The following TRMT11 variants were observed in gnomAD, a reference collection of about 807,000 sequenced individuals.
TRMT11 encodes tRNA methyltransferase 11.
A neutral mutation model predicts 62.8 loss-of-function variants in TRMT11; 53 were observed. The ratio of observed to expected loss-of-function variants is 0.84; its 90% confidence interval spans 0.68 to 1.06. The LOEUF is 1.06. TRMT11 is among the 50% of genes least tolerant of loss of function. The pLI is 0.00. For synonymous variants in TRMT11, 188 were observed against 190.3 expected (o/e 0.99, Z 0.10); for missense variants, 556 against 553.4 (o/e 1.00, Z -0.05).
At chr6:126,098,229 C>T (rs1777361016) in intron 17 of TRMT11, among the ~76,000 whole-genome samples, 1 of 152,108 alleles carries the variant, frequency 6.6e-6, no homozygotes, top group African/African-American at 2.4e-5. Context: ...TTTGCTGCTG[C>T]GTTCATTTCC....
At chr6:126,076,112 G>C (rs984323470) in intron 17 of TRMT11, among the ~76,000 whole-genome samples, 1 of 152,118 alleles carries the variant, frequency 6.6e-6, no homozygotes, top group African/African-American at 2.4e-5. Flanking sequence ...GGTTGTGGGG[G>C]GTTGGGGGTG....
At chr6:126,045,480 G>A (rs893993244) in intron 16 of TRMT11, among the ~76,000 whole-genome samples, 2 of 152,176 alleles carry the variant, frequency 1.3e-5, no homozygotes, top group African/African-American at 2.4e-5. Context: ...CAAATTTCAT[G>A]ATCAACCTGA....
At chr6:126,237,967 C>T in the TRMT11 span, among the ~76,000 whole-genome samples, 1 of 152,076 alleles carries the variant, frequency 6.6e-6, no homozygotes, top group Non-Finnish European at 1.5e-5. Context: ...GGAATTTATC[C>T]ATTTCTTCTA....
chr6:126,016,783 G>A (rs921064602), intron 11 of TRMT11, among the ~76,000 whole-genome samples: 5 of 151,762 alleles, frequency 3.3e-5, no homozygotes, highest in African/African-American at 1.2e-4. Context: ...GAAGACAATG[G>A]TGGCATTTAT....
chr6:126,047,220 G>A (rs1176847436), intron 16 of TRMT11, among the ~76,000 whole-genome samples: 1 of 151,762 alleles, frequency 6.6e-6, no homozygotes, highest in Non-Finnish European at 1.5e-5. Flanking sequence ...GCCCTAATTG[G>A]GAACAGGCAT....
At chr6:126,253,497 T>A in the TRMT11 span, among the ~76,000 whole-genome samples, 1 of 152,222 alleles carries the variant, frequency 6.6e-6, no homozygotes, top group Admixed American at 6.5e-5. Flanking sequence ...GTATTATACT[T>A]AATTGTATCT....
At chr6:126,157,433 A>G (rs547173405) in intron 21 of TRMT11, among the ~76,000 whole-genome samples, 3 of 152,320 alleles carry the variant, frequency 2.0e-5, no homozygotes, top group African/African-American at 7.2e-5. Context: ...AAGCCTTTGC[A>G]TTCAGGGAAT....
rs547798135 is a variant in TRMT11, at chr6:125,988,537, G to A, written c.72+1915G>A. 1.9e-4 allele frequency among the ~76,000 whole-genome samples: 29 copies of A among 152,256 alleles called. No individual in the cohort carries two copies. The Middle Eastern group carries it at 0.024, about 125-fold the overall frequency. The stretch of plus-strand genomic sequence containing the variant: ...GGGGAGATTGGACAAGGAAAGTTAG[G>A]GTGGGTGTGGAGTAGTTGCCTGAGG... On this transcript the variant is annotated intron_variant, in intron 1 of 12. Coordinates refer to ENST00000334379, the MANE Select transcript of TRMT11 (RefSeq NM_001031712.3).
At chr6:125,986,689 A>G (rs1789685718) in intron 1 of TRMT11, 67 bp downstream of exon 1, 2 of 1,447,372 alleles carry the variant, frequency 1.4e-6, no homozygotes, top group Admixed American at 4.0e-5. Flanking sequence ...GAGTGGGTGG[A>G]GGTGATCTGC....
chr6:126,073,048 T>G (rs542884584), intron 17 of TRMT11, among the ~76,000 whole-genome samples: 1 of 152,346 alleles, frequency 6.6e-6, no homozygotes, highest in South Asian at 2.1e-4. Flanking sequence ...ATGCAATCTT[T>G]GGGATTCAGA....
the TRMT11 span, among the ~76,000 whole-genome samples, chr6:126,254,548 G>A: frequency 6.6e-6 from 1 of 152,224 alleles, no homozygotes; most frequent in African/African-American, 2.4e-5. Flanking sequence ...GGATTCTGCA[G>A]ATCATAGAAT....
At chr6:125,999,715 T>C in intron 7 of TRMT11, 102 bp downstream of exon 7, 5 of 1,075,194 alleles carry the variant, frequency 4.7e-6, no homozygotes, top group East Asian at 2.5e-5. Context: ...GATAATCTTT[T>C]AATTGTGTTT....
intron 17 of TRMT11, among the ~76,000 whole-genome samples, chr6:126,057,322 G>T (rs570186494): frequency 1.3e-4 from 20 of 152,306 alleles, no homozygotes; most frequent in African/African-American, 4.8e-4. Context: ...TATGTCTTAG[G>T]TTATCTTTGA....
chr6:126,003,963 C>G (rs569902308), intron 7 of TRMT11, among the ~76,000 whole-genome samples: 1 of 151,964 alleles, frequency 6.6e-6, no homozygotes, highest in African/African-American at 2.4e-5. Flanking sequence ...CTTTTTAGAT[C>G]TCTGGTTCAT....
At position 126,136,966 on chromosome 6, in the gene TRMT11, T is replaced by C. The variant is rs948179158; in HGVS notation, c.*1823+21111T>C. 3.3e-5 allele frequency among the ~76,000 whole-genome samples: 5 copies of C among 151,406 alleles called. No homozygotes were observed. In the South Asian group the frequency reaches 6.2e-4, roughly 19 times the overall value. On this transcript the variant is annotated intron_variant and NMD_transcript_variant, in intron 21 of 22. Transcript: ENST00000648977. ...AAATGAAAAAAAAAAGACCCCTACC[T>C]TTCACCATGTACAAAAATTAACTCA...
At chr6:125,990,324 A>G (rs1257655784) in intron 1 of TRMT11, among the ~76,000 whole-genome samples, 1 of 152,136 alleles carries the variant, frequency 6.6e-6, no homozygotes, top group African/African-American at 2.4e-5. Context: ...GTTGGGTTTA[A>G]CTCATTTTCA....
the TRMT11 span, among the ~76,000 whole-genome samples, chr6:126,263,406 T>G: frequency 6.6e-6 from 1 of 150,760 alleles, no homozygotes; most frequent in African/African-American, 2.5e-5. Flanking sequence ...AACTCTTCTT[T>G]ATCTATTTCC....
At chr6:126,008,641 TC>T (rs2128808061) in intron 8 of TRMT11, 169 bp downstream of exon 8, 1 of 712,352 alleles carries the variant, frequency 1.4e-6, no homozygotes, top group Admixed American at 2.0e-5. Context: ...TCCCTCCACT[TC>T]CTCTTCCTCC....
chr6:126,224,287 A>G, the TRMT11 span, among the ~76,000 whole-genome samples: 4 of 152,134 alleles, frequency 2.6e-5, no homozygotes, highest in African/African-American at 4.8e-5. Context: ...AATTCTTTCA[A>G]TCTTTGAAGT....
Sources: allele counts gnomAD v4.1 joint callset (sites outside exome capture counted in the v4.1 genomes callset), GRCh38; gene constraint gnomAD v4.1.1; transcripts MANE v1.5; gene names NCBI Gene and HGNC (gene_info 2026-07-23, HGNC 2026-07-21).